CCDC178: variants seen among roughly 807,000 people sequenced by gnomAD.
CCDC178 encodes coiled-coil domain-containing protein 178.
A neutral mutation model predicts 117.4 loss-of-function variants in CCDC178; 126 were observed. That is an observed-to-expected ratio of 1.07 (90% CI 0.93 to 1.24). CCDC178 has a LOEUF of 1.24. CCDC178 is among the 50% of genes most tolerant of loss of function. The pLI is 0.00. For missense variants in CCDC178, 1,030 were observed against 986.9 expected (o/e 1.04, Z -0.59); for synonymous variants, 283 against 313.4 (o/e 0.90, Z 1.02).
intron 21 of CCDC178, among the ~76,000 whole-genome samples, chr18:33,046,711 A>G (rs1407068836): frequency 6.6e-6 from 1 of 152,180 alleles, no homozygotes; most frequent in African/African-American, 2.4e-5. Flanking sequence ...AGCAGGCACC[A>G]TCTTTGCTGC....
chr18:33,182,724 T>C (rs571574668), intron 20 of CCDC178, among the ~76,000 whole-genome samples: 47 of 152,014 alleles, frequency 3.1e-4, no homozygotes, highest in Non-Finnish European at 2.7e-4. Context: ...TACTGAGATA[T>C]ATAAAAAAGT....
At chr18:32,960,731 C>A (rs962436757) in intron 22 of CCDC178, among the ~76,000 whole-genome samples, 1 of 152,034 alleles carries the variant, frequency 6.6e-6, no homozygotes, top group Non-Finnish European at 1.5e-5. Flanking sequence ...CCCCAAAAAT[C>A]GATTCAGCCT....
chr18:32,970,208 T>C (rs2054897214), intron 22 of CCDC178, among the ~76,000 whole-genome samples: 1 of 151,974 alleles, frequency 6.6e-6, no homozygotes, highest in Non-Finnish European at 1.5e-5. Flanking sequence ...CTTGATCATG[T>C]AATTCAAAAG....
chr18:33,427,922 GT>G (rs1463509818), intron 2 of CCDC178, among the ~76,000 whole-genome samples: 1 of 152,174 alleles, frequency 6.6e-6, no homozygotes, highest in Non-Finnish European at 1.5e-5. Context: ...CAATTTTGCA[GT>G]GAATATCCTA....
intron 6 of CCDC178, among the ~76,000 whole-genome samples, chr18:33,367,750 C>T (rs142481907): frequency 6.6e-6 from 1 of 151,864 alleles, no homozygotes; most frequent in Admixed American, 6.6e-5. Flanking sequence ...TTCTATTTAC[C>T]AGTTCAACAC....
chr18:33,142,374 T>C (rs1257382211), intron 20 of CCDC178, among the ~76,000 whole-genome samples: 3 of 152,230 alleles, frequency 2.0e-5, no homozygotes, highest in African/African-American at 7.2e-5. Flanking sequence ...TATTACTTCT[T>C]TTTTATGTCA....
chr18:33,287,886 G>T (rs2144853886), intron 12 of CCDC178, among the ~76,000 whole-genome samples: 1 of 152,204 alleles, frequency 6.6e-6, no homozygotes, highest in Admixed American at 6.5e-5. Context: ...ATAAAAAACT[G>T]ATTGTAGGTT....
chr18:32,984,347 T>C (rs922413128), intron 21 of CCDC178, among the ~76,000 whole-genome samples: 2 of 151,976 alleles, frequency 1.3e-5, no homozygotes, highest in Admixed American at 1.3e-4. Context: ...AGTCTATCCT[T>C]TTATATGAAT....
chr18:33,333,014 A>T (rs563201959), intron 10 of CCDC178, among the ~76,000 whole-genome samples, 160 bp downstream of exon 10: 16 of 152,266 alleles, frequency 1.1e-4, no homozygotes, highest in African/African-American at 3.6e-4. Flanking sequence ...AGACATAGTT[A>T]AAATGAATAC....
At chr18:33,221,246 G>A (rs918443553) in intron 18 of CCDC178, among the ~76,000 whole-genome samples, 7 of 152,052 alleles carry the variant, frequency 4.6e-5, no homozygotes, top group Admixed American at 3.9e-4. Context: ...AACTTGCAGT[G>A]CTCTTTGACT....
At chr18:33,040,433 G>T (rs960794673) in intron 21 of CCDC178, among the ~76,000 whole-genome samples, 1 of 151,866 alleles carries the variant, frequency 6.6e-6, no homozygotes, top group African/African-American at 2.4e-5. Flanking sequence ...CAATGGAAAA[G>T]AATTTAAGTG....
At chr18:33,168,245 T>G (rs1490992478) in intron 20 of CCDC178, among the ~76,000 whole-genome samples, 1 of 152,190 alleles carries the variant, frequency 6.6e-6, no homozygotes, top group African/African-American at 2.4e-5. Flanking sequence ...TAATCCATCT[T>G]GAGTTAATTT....
chr18:33,264,018 G>T (rs2059784171), intron 14 of CCDC178, among the ~76,000 whole-genome samples: 1 of 151,982 alleles, frequency 6.6e-6, no homozygotes, highest in African/African-American at 2.4e-5. Flanking sequence ...AAATTATTAG[G>T]TGCAGATTAT....
rs868609593 is a variant in CCDC178 at position 33,232,359 on chromosome 18, C to T, written c.1594-5504G>A. On this transcript the variant is annotated intron_variant, in intron 15 of 22. Transcript: ENST00000383096. ...AGCAACACTACATAAACAGATCTAA[C>T]ATCAGAATCAAAGAAATGGCTTCAG... 3.3e-5 allele frequency among the ~76,000 whole-genome samples: 5 copies of T among 152,166 alleles called. No homozygotes were observed. The South Asian group carries it at 1.0e-3, about 31-fold the overall frequency.
intron 22 of CCDC178, among the ~76,000 whole-genome samples, chr18:32,961,164 A>C (rs1223037668): frequency 6.6e-6 from 1 of 152,102 alleles, no homozygotes; most frequent in Non-Finnish European, 1.5e-5. Context: ...TTCTGTCTTT[A>C]TGTTCTATTA....
At chr18:33,366,850 T>G (rs2063214604) in intron 6 of CCDC178, among the ~76,000 whole-genome samples, 1 of 151,928 alleles carries the variant, frequency 6.6e-6, no homozygotes, top group South Asian at 2.1e-4. Context: ...GGACTGTAGG[T>G]GATGAATGAA....
intron 3 of CCDC178, 65 bp from the exon 4 acceptor site, chr18:33,397,273 T>C (rs1033237382): frequency 3.8e-6 from 4 of 1,059,336 alleles, no homozygotes; most frequent in Admixed American, 3.9e-5. Flanking sequence ...CTGCCCTATA[T>C]TGCACTAGTA....
intron 21 of CCDC178, among the ~76,000 whole-genome samples, chr18:33,033,151 C>G (rs977365912): frequency 6.6e-6 from 1 of 151,752 alleles, no homozygotes; most frequent in Non-Finnish European, 1.5e-5. Flanking sequence ...ATTATGATTA[C>G]AAATAAAAGA....
At chr18:33,158,493 CTA>C (rs2098623962) in intron 20 of CCDC178, among the ~76,000 whole-genome samples, 1 of 151,852 alleles carries the variant, frequency 6.6e-6, no homozygotes, top group South Asian at 2.1e-4. Flanking sequence ...TTTAAAAAAA[CTA>C]AAATTTTTAT....
Sources: gnomAD v4.1 joint callset for allele counts (sites outside exome capture counted in the v4.1 genomes callset) on GRCh38, gnomAD v4.1.1 for gene constraint, MANE v1.5 for transcripts, NCBI Gene and HGNC (gene_info 2026-07-23, HGNC 2026-07-21) for gene names.